Variants in GGCT observed in about 807,000 individuals in gnomAD.
GGCT encodes gamma-glutamylcyclotransferase.
GGCT carries 20 observed loss-of-function variants against 22.1 expected under a neutral mutation model. That is an observed-to-expected ratio of 0.91 (90% CI 0.64 to 1.32). The LOEUF (loss-of-function observed/expected upper bound fraction) is 1.32. GGCT is among the 40% of genes most tolerant of loss of function. The pLI, the probability that GGCT is intolerant of heterozygous loss-of-function variation, is 0.00. For synonymous variants in GGCT, 72 were observed against 78.4 expected, an observed-to-expected ratio of 0.92 and a Z score of 0.43; for missense variants, 209 against 223.5, an observed-to-expected ratio of 0.94 and a Z score of 0.41.
At chr7:30,497,729 G>A (rs201691947) in intron 3 of GGCT, 267 of 1,352,570 alleles carry the variant, frequency 2.0e-4, no homozygotes, top group Non-Finnish European at 2.5e-4. Flanking sequence ...CGAGGCCTAG[G>A]AACCAGATTA....
chr7:30,497,293 A>G, intron 3 of GGCT, 58 bp from the exon 4 acceptor site: 1 of 1,297,664 alleles, frequency 7.7e-7, no homozygotes, highest in South Asian at 1.3e-5. Context: ...ATATAATTTA[A>G]CGTACCATAC....
rs753858212 is a variant in GGCT, at chr7:30,497,109, C to T, written c.550G>A (p.Glu184Lys). ...GTTATGTTCTAAAGAGTTTGTGTTTCCCCCTTTTTGATGATGTCTTCAATT... is the reference window on the plus strand; with the variant it reads ...GTTATGTTCTAAAGAGTTTGTGTTTTCCCCTTTTTGATGATGTCTTCAATT... ...EEIEDIIKKG[E>K]TQTL Residue 184 changes from glutamate to lysine, a missense_variant, in exon 4 of 4, where the codon GAA (glutamate) becomes AAA (lysine). Glu to Lys is a moderately conservative substitution (Grantham distance 56, BLOSUM62 1). Transcript: ENST00000275428. The T allele has an allele frequency of 6.3e-7, 1 of 1,597,856 alleles. No individual in the cohort carries two copies. The highest frequency in any genetic ancestry group is 1.7e-5 in the Admixed American group (1 of 59,632).
In GGCT at chr7:30,504,744, G is replaced by A. The variant is rs38414; in HGVS notation, c.-35C>T. On this transcript the variant is annotated 5_prime_UTR_variant, in exon 1 of 4. Transcript: ENST00000275428. Reference sequence around the variant, plus strand: ...CGCCCCTGCACTGGAGCCTGAAGCAGAGTGTAAGGAACGGCCAGAGAGCGC... The same window carrying A: ...CGCCCCTGCACTGGAGCCTGAAGCAAAGTGTAAGGAACGGCCAGAGAGCGC... 0.7 allele frequency: 1,121,459 copies of A among 1,608,286 alleles called. 394,638 individuals carry two copies. Among genetic ancestry groups the A allele is most frequent in the Non-Finnish European group, 0.72 (849,757 of 1,175,196 alleles).
Position 30,497,188 on chromosome 7 carries a change from T to G in GGCT, c.471A>C (p.Gln157His). 1 of 1,612,112 alleles carries G rather than the reference T, an allele frequency of 6.2e-7. No individual in the cohort carries two copies. ...TTGGTTCTATTGCTTTTAACTTCTC[T>G]TGATACTCCAGCGGCAAACCATTTT... is the stretch of plus-strand genomic sequence containing the variant. ...AKENGLPLEY[Q>H]EKLKAIEPND... The change falls in exon 4 of 4, where the codon CAA becomes CAC. Residue 157 changes from glutamine (Q) to histidine (H), a missense_variant. Transcript: ENST00000275428.
intron 1 of GGCT, among the ~76,000 whole-genome samples, chr7:30,502,100 C>G (rs1170820722): frequency 6.6e-6 from 1 of 152,220 alleles, no homozygotes; most frequent in African/African-American, 2.4e-5. Flanking sequence ...TTTGCCAACT[C>G]CTCCTCCATT....
At chr7:30,500,047 C>T (rs1789664205) in intron 2 of GGCT, among the ~76,000 whole-genome samples, 2 of 152,154 alleles carry the variant, frequency 1.3e-5, no homozygotes, top group Non-Finnish European at 2.9e-5. Flanking sequence ...GTATGAAATG[C>T]TCTGCCACAC....
chr7:30,500,404 G>A, intron 2 of GGCT, 132 bp downstream of exon 2: 1 of 616,278 alleles, frequency 1.6e-6, no homozygotes, highest in Non-Finnish European at 2.7e-6. Context: ...TGCCTTTTAT[G>A]TTGACTCTAA....
At chr7:30,498,966 C>A in intron 2 of GGCT, 28 bp from the exon 3 acceptor site, 1 of 1,612,340 alleles carries the variant, frequency 6.2e-7, no homozygotes, top group South Asian at 1.1e-5. Context: ...AAATTTTAAC[C>A]ACATTTGACC....
In GGCT at chr7:30,501,368, C is replaced by T. The variant is rs908166617; in HGVS notation, c.142-687G>A. Among the ~76,000 whole-genome samples the T allele has an allele frequency of 3.9e-5, 6 of 152,094 alleles. No individual in the cohort carries two copies. In the South Asian group the frequency reaches 6.2e-4, roughly 16 times the overall value. Reference sequence around the variant, plus strand: ...ATCCCAACATTCTGGGAGGCCGTGGCGGGTGGATCATTTTGTACACAGTGC... The same window carrying T: ...ATCCCAACATTCTGGGAGGCCGTGGTGGGTGGATCATTTTGTACACAGTGC... On this transcript the variant is annotated intron_variant, in intron 1 of 3. Transcript: ENST00000275428.
At chr7:30,501,599 A>C (rs1379075190) in intron 1 of GGCT, among the ~76,000 whole-genome samples, 2 of 152,246 alleles carry the variant, frequency 1.3e-5, no homozygotes, top group Non-Finnish European at 2.9e-5. Flanking sequence ...CCTGGGGAAG[A>C]TTAAAAATCC....
intron 2 of GGCT, 107 bp from the exon 3 acceptor site, chr7:30,499,045 A>C: frequency 1.1e-6 from 1 of 927,356 alleles, no homozygotes; most frequent in Non-Finnish European, 1.8e-6. Flanking sequence ...TTAAACATTT[A>C]ACTACATCTG....
chr7:30,497,319 C>T, intron 3 of GGCT, 84 bp from the exon 4 acceptor site: 2 of 958,272 alleles, frequency 2.1e-6, no homozygotes, highest in Non-Finnish European at 3.1e-6. Context: ...CTTTATTTGC[C>T]TTCTCAAAGT....
At chr7:30,498,186 G>C (rs945286934) in intron 3 of GGCT, among the ~76,000 whole-genome samples, 1 of 37,414 alleles carries the variant, frequency 2.7e-5, no homozygotes, top group African/African-American at 5.1e-5. Context: ...CCAGGCAAAA[G>C]AAAGAAAGAA....
rs1344639857 is a variant in GGCT at position 30,496,711 on chromosome 7, C to T, written c.*381G>A. ...TTATCAATTGTCTGCAGATTACTCT[C>T]ATTAAGCTGATTTTTAAAAATCTCA... On this transcript the variant is annotated 3_prime_UTR_variant, in exon 4 of 4. Coordinates refer to ENST00000275428, the MANE Select transcript of GGCT (RefSeq NM_024051.4). 1.3e-5 allele frequency: 2 copies of T among 157,056 alleles called. No individual in the cohort carries two copies. Among genetic ancestry groups the T allele is most frequent in the Non-Finnish European group, 2.8e-5 (2 of 71,492 alleles). 9.7% of individuals were successfully genotyped at this position (157,056 alleles called of 1,614,324 possible). A position where few individuals can be genotyped will look rare whatever the true frequency, so the allele number is the denominator to read the frequency against.
rs1789679728 is a variant in GGCT, at chr7:30,500,692, A to T, written c.142-11T>A. 1 of 1,612,134 alleles carries T rather than the reference A, an allele frequency of 6.2e-7. No homozygotes were observed. The highest frequency in any genetic ancestry group is 8.5e-7 in the Non-Finnish European group (1 of 1,178,860). On this transcript the variant is annotated splice_polypyrimidine_tract_variant and intron_variant, in intron 1 of 3. Transcript: ENST00000275428. Reference sequence around the variant, plus strand: ...GTCAAGCTTAAAATCCTACAAAGGAAATCAAAGTGATATGATCAATATCCA... The same window carrying T: ...GTCAAGCTTAAAATCCTACAAAGGATATCAAAGTGATATGATCAATATCCA...
In GGCT at chr7:30,502,799, C is replaced by G. The variant is rs191775674; in HGVS notation, c.141+1770G>C. 8.6e-4 allele frequency among the ~76,000 whole-genome samples: 131 copies of G among 152,338 alleles called. 1 individual carries two copies. Among genetic ancestry groups the G allele is most frequent in the Non-Finnish European group, 3.7e-4 (25 of 68,028 alleles). ...CCTAGTTCAAGATGCCATTCATTAT[C>G]TTTGGCATAAATTGCTGCAAAAACT... On this transcript the variant is annotated intron_variant, in intron 1 of 3. Transcript: ENST00000275428.
At chr7:30,499,036 T>A (rs1381541482) in intron 2 of GGCT, 98 bp from the exon 3 acceptor site, 2 of 971,222 alleles carry the variant, frequency 2.1e-6, no homozygotes, top group Non-Finnish European at 1.7e-6. Context: ...TGTATGGGAT[T>A]AAACATTTAA....
intron 3 of GGCT, chr7:30,497,981 T>C: frequency 2.3e-6 from 1 of 431,104 alleles, no homozygotes; most frequent in East Asian, 3.8e-5. Context: ...AATACTGTGT[T>C]ACGGGGAGAA....
At chr7:30,500,093 C>G (rs1412246675) in intron 2 of GGCT, among the ~76,000 whole-genome samples, 1 of 152,190 alleles carries the variant, frequency 6.6e-6, no homozygotes, top group Non-Finnish European at 1.5e-5. Flanking sequence ...AGTATCAAAG[C>G]ATTTCTAACA....
Sources: allele counts gnomAD v4.1 joint callset (sites outside exome capture counted in the v4.1 genomes callset), GRCh38; gene constraint gnomAD v4.1.1; transcripts MANE v1.5; gene names NCBI Gene and HGNC (gene_info 2026-07-23, HGNC 2026-07-21).